The following NOL10 variants were observed in gnomAD, a reference collection of about 807,000 sequenced individuals.
NOL10 encodes nucleolar protein 10.
A neutral mutation model predicts 103.5 loss-of-function variants in NOL10; 58 were observed. The observed-to-expected ratio is 0.56, with a 90% CI of 0.45 to 0.70. The LOEUF (loss-of-function observed/expected upper bound fraction) is 0.70, where lower values mean the gene tolerates loss of function less well. Ranked by LOEUF, NOL10 falls within the 30% of genes least tolerant of loss-of-function variation. The pLI is 0.00. For synonymous variants in NOL10, 287 were observed against 282.5 expected, an observed-to-expected ratio of 1.02 and a Z score of -0.16; for missense variants, 763 against 807.3, an observed-to-expected ratio of 0.95 and a Z score of 0.67.
intron 13 of NOL10, among the ~76,000 whole-genome samples, chr2:10,607,805 C>T (rs1676338958): frequency 7.2e-6 from 1 of 138,854 alleles, no homozygotes; most frequent in African/African-American, 2.7e-5. Flanking sequence ...GCCATGTTGC[C>T]CAGGTTGGTC....
chr2:10,600,778 A>C (rs1300665267), intron 17 of NOL10, 75 bp downstream of exon 17: 1 of 997,376 alleles, frequency 1.0e-6, no homozygotes, highest in African/African-American at 1.6e-5. Flanking sequence ...TTTAAAGTAA[A>C]AAGAAACAAT....
chr2:10,680,386 G>C (rs1022898742), intron 3 of NOL10, among the ~76,000 whole-genome samples: 1 of 142,072 alleles, frequency 7.0e-6, no homozygotes, highest in Non-Finnish European at 1.5e-5. Flanking sequence ...AGGGAGAAGA[G>C]GGAGAGGGAG....
At chr2:10,652,100 C>T (rs961682548) in intron 12 of NOL10, among the ~76,000 whole-genome samples, 1 of 151,930 alleles carries the variant, frequency 6.6e-6, no homozygotes. Context: ...ATTAGCCGGG[C>T]GTGGTGGCGG....
chr2:10,641,403 A>T (rs1678689175), intron 13 of NOL10, among the ~76,000 whole-genome samples: 1 of 152,068 alleles, frequency 6.6e-6, no homozygotes, highest in Middle Eastern at 3.2e-3. Flanking sequence ...CACAAATATA[A>T]CTAAAAAACA....
chr2:10,591,876 G>A (rs1675408579), intron 17 of NOL10, among the ~76,000 whole-genome samples: 1 of 152,124 alleles, frequency 6.6e-6, no homozygotes, highest in African/African-American at 2.4e-5. Flanking sequence ...GGTGGTGCAT[G>A]CCTGTAGTCC....
chr2:10,609,624 C>G (rs557254037), intron 13 of NOL10, among the ~76,000 whole-genome samples: 7 of 151,814 alleles, frequency 4.6e-5, no homozygotes, highest in Admixed American at 4.6e-4. Context: ...GACTTCATGT[C>G]GGAAGGAGCA....
intron 17 of NOL10, among the ~76,000 whole-genome samples, chr2:10,595,593 GTTTTGT>G (rs979758451): frequency 2.8e-5 from 2 of 72,262 alleles, no homozygotes; most frequent in Non-Finnish European, 7.3e-5. Context: ...TTTTTGTTTT[GTTTTGT>G]TTTTGTTTGT....
At chr2:10,642,186 T>C (rs114651563) in intron 13 of NOL10, among the ~76,000 whole-genome samples, 5,197 of 152,310 alleles carry the variant, frequency 0.034, 170 homozygotes, top group African/African-American at 0.083. Context: ...GGCAGCATTC[T>C]TGTGATCTAT....
intron 13 of NOL10, among the ~76,000 whole-genome samples, chr2:10,638,153 G>A (rs1219915100): frequency 1.3e-5 from 2 of 152,046 alleles, no homozygotes; most frequent in Non-Finnish European, 2.9e-5. Context: ...GGGCTTGGTG[G>A]CACATGCCTG....
intron 20 of NOL10, 31 bp from the exon 21 acceptor site, chr2:10,572,221 A>G (rs1210511862): frequency 1.2e-6 from 2 of 1,611,794 alleles, no homozygotes; most frequent in Non-Finnish European, 8.5e-7. Context: ...AGTAGAGGGA[A>G]AGAGAGAAAA....
chr2:10,633,117 G>A (rs922350814), intron 13 of NOL10, among the ~76,000 whole-genome samples: 2 of 152,204 alleles, frequency 1.3e-5, no homozygotes, highest in African/African-American at 2.4e-5. Context: ...TTCCTCATCA[G>A]AGTGTAACAT....
intron 9 of NOL10, among the ~76,000 whole-genome samples, 181 bp downstream of exon 9, chr2:10,662,778 G>A (rs1680291125): frequency 6.6e-6 from 1 of 152,106 alleles, no homozygotes; most frequent in African/African-American, 2.4e-5. Context: ...ATAGTATTTT[G>A]GAAAGAAATT....
intron 3 of NOL10, among the ~76,000 whole-genome samples, chr2:10,679,599 C>CTTT (rs1403905434): frequency 9.5e-5 from 14 of 147,244 alleles, no homozygotes; most frequent in Non-Finnish European, 2.1e-4. Context: ...TTTCCTCTCT[C>CTTT]CTTCCTCTCT....
At chr2:10,595,609 T>C (rs1047539322) in intron 17 of NOL10, among the ~76,000 whole-genome samples, 9 of 134,386 alleles carry the variant, frequency 6.7e-5, no homozygotes, top group Non-Finnish European at 1.2e-4. Context: ...TTTTTGTTTG[T>C]TTGTTTGTTT....
intron 1 of NOL10, 138 bp downstream of exon 1, chr2:10,689,658 C>T: frequency 1.2e-6 from 1 of 801,578 alleles, no homozygotes; most frequent in Non-Finnish European, 2.0e-6. Context: ...AATTGTCAGC[C>T]GCCTCTGGGC....
chr2:10,614,161 C>T (rs184528712), intron 13 of NOL10, among the ~76,000 whole-genome samples: 134 of 152,162 alleles, frequency 8.8e-4, no homozygotes, highest in Middle Eastern at 3.4e-3. Flanking sequence ...TGTTTCACCA[C>T]GTTGGCCAGG....
At position 10,656,105 on chromosome 2, in the gene NOL10, C is replaced by T. The variant is rs907931112; in HGVS notation, c.907-1558G>A. On this transcript the variant is annotated intron_variant, in intron 11 of 20. Coordinates refer to ENST00000381685, the MANE Select transcript of NOL10 (RefSeq NM_024894.4). The stretch of plus-strand genomic sequence containing the variant: ...TGGAAAGATACATCCAGATTGCTAA[C>T]AGTCTTTCCCTTTGGTTGGATGAAA... Among the ~76,000 whole-genome samples, 3 of 152,346 alleles carry T rather than the reference C, an allele frequency of 2.0e-5. No individual in the cohort carries two copies. The East Asian group carries it at 5.8e-4, about 29-fold the overall frequency.
chr2:10,604,310 A>G (rs920834987), intron 14 of NOL10, among the ~76,000 whole-genome samples: 2 of 152,208 alleles, frequency 1.3e-5, no homozygotes, highest in African/African-American at 4.8e-5. Context: ...TAATTTCCAA[A>G]TTTTAGAAAT....
chr2:10,658,850 G>C (rs1453508074), intron 10 of NOL10, among the ~76,000 whole-genome samples: 5 of 152,302 alleles, frequency 3.3e-5, no homozygotes, highest in Non-Finnish European at 5.9e-5. Flanking sequence ...GGCCAAGGGT[G>C]GGGGGATCGC....
Sources: allele counts gnomAD v4.1 joint callset (sites outside exome capture counted in the v4.1 genomes callset), GRCh38; gene constraint gnomAD v4.1.1; transcripts MANE v1.5; gene names NCBI Gene and HGNC (gene_info 2026-07-23, HGNC 2026-07-21).